Variants in CEACAM18 observed in about 807,000 individuals in gnomAD.
The protein encoded by CEACAM18 is cell adhesion molecule CEACAM18.
In CEACAM18, 33 loss-of-function variants were observed where a neutral mutation model predicts 34.3. The observed-to-expected ratio is 0.96, with a 90% CI of 0.73 to 1.29. CEACAM18 has a LOEUF of 1.29. CEACAM18 is among the 50% of genes most tolerant of loss of function. CEACAM18 has a pLI of 0.00. For synonymous variants in CEACAM18, 169 were observed against 180.9 expected (o/e 0.93, Z 0.53); for missense variants, 474 against 485.0 (o/e 0.98, Z 0.21).
At chr19:51,480,197 A>G in intron 1 of CEACAM18, 136 bp from the exon 2 acceptor site, 1 of 711,794 alleles carries the variant, frequency 1.4e-6, no homozygotes, top group Non-Finnish European at 2.3e-6. Context: ...GGACTCTACC[A>G]GGAGCCAGAA....
intron 5 of CEACAM18, among the ~76,000 whole-genome samples, chr19:51,486,806 C>T (rs1293047573): frequency 1.3e-5 from 2 of 151,130 alleles, no homozygotes; most frequent in Non-Finnish European, 2.9e-5. Context: ...CAAGCTCCGC[C>T]TCCCAGGTTC....
At chr19:51,481,513 C>T (rs1347238943) in exon 3 of CEACAM18, 2 of 1,613,898 alleles carry the variant, frequency 1.2e-6, no homozygotes, top group South Asian at 2.2e-5. Context: ...AATGATGTGC[C>T]TACCTCTAGT....
rs187301394 is a variant in CEACAM18, at chr19:51,484,766, G to A, written c.954-221G>A. Reference sequence around the variant, plus strand: ...TGCTTGCAGTGTGAGACATCTCTTTGCTTAATTGTCCACTGTCCACTTCCC... The same window carrying A: ...TGCTTGCAGTGTGAGACATCTCTTTACTTAATTGTCCACTGTCCACTTCCC... On this transcript the variant is annotated intron_variant, in intron 4 of 5. Coordinates refer to ENST00000396477, the Ensembl canonical transcript of CEACAM18. Among the ~76,000 whole-genome samples the A allele has an allele frequency of 4.4e-3, 477 of 108,624 alleles. 2 individuals are homozygous for A. Among genetic ancestry groups the A allele is most frequent in the African/African-American group, 0.014 (453 of 33,278 alleles). The allele number at this position is 108,624 out of a possible 152,430, so 71.3% of individuals were successfully genotyped here.
chr19:51,478,741 G>A, intron 1 of CEACAM18, 47 bp downstream of exon 1: 2 of 1,301,788 alleles, frequency 1.5e-6, no homozygotes, highest in Non-Finnish European at 2.0e-6. Flanking sequence ...CTGAGGGAAG[G>A]GCAGCTAGGA....
At chr19:51,480,173 AG>A (rs1384631551) in intron 1 of CEACAM18, among the ~76,000 whole-genome samples, 159 bp from the exon 2 acceptor site, 1 of 152,104 alleles carries the variant, frequency 6.6e-6, no homozygotes, top group African/African-American at 2.4e-5. Flanking sequence ...GAGGCACAGG[AG>A]GGGACAAGCT....
intron 3 of CEACAM18, 88 bp downstream of exon 3, chr19:51,481,753 A>C: frequency 3.3e-5 from 45 of 1,378,600 alleles, no homozygotes; most frequent in South Asian, 1.5e-4. Flanking sequence ...GCTGAGCTGG[A>C]GAGAGGGGGC....
chr19:51,479,197 T>G (rs1272894146), intron 1 of CEACAM18, among the ~76,000 whole-genome samples: 1 of 152,062 alleles, frequency 6.6e-6, no homozygotes, highest in Non-Finnish European at 1.5e-5. Flanking sequence ...CCACGTGTAC[T>G]GTCCTTGAAC....
In CEACAM18 at chr19:51,478,693, GGGTAA is replaced by G; in HGVS notation, c.52+1_52+5del. 1 of 1,452,120 alleles carries G rather than the reference GGGTAA, an allele frequency of 6.9e-7. No homozygotes were observed. The highest frequency in any genetic ancestry group is 9.1e-7 in the Non-Finnish European group (1 of 1,095,048). The allele number at this position is 1,452,120 out of a possible 1,614,324, so 90.0% of individuals were successfully genotyped here. On this transcript the variant is annotated splice_donor_variant and splice_donor_region_variant and coding_sequence_variant and intron_variant, in exon 1 of 6. Transcript: ENST00000396477. LOFTEE classifies it high-confidence loss of function. Reference sequence around the variant, plus strand: ...GCCTGTGGAGGAGGGTCTTCCTCATGGGTAAGAGATGCTGGATGCTGGATGAGCTT... The same window carrying G: ...GCCTGTGGAGGAGGGTCTTCCTCATGGAGATGCTGGATGCTGGATGAGCTT...
At chr19:51,486,710 C>CTTTTTTTTTTTTTTTTTTTTTTT (rs1327201659) in intron 5 of CEACAM18, among the ~76,000 whole-genome samples, 2 of 144,436 alleles carry the variant, frequency 1.4e-5, no homozygotes, top group African/African-American at 2.6e-5. Context: ...TTCTTTCTTT[C>CTTTTTTTTTTTTTTTTTTTTTTT]TTTCTTTTCT....
At chr19:51,490,938 C>T in exon 6 of CEACAM18, 4 of 293,454 alleles carry the variant, frequency 1.4e-5, no homozygotes, top group Non-Finnish European at 2.5e-5. Flanking sequence ...CAAGCGCCTC[C>T]TCCCTCAGCT....
chr19:51,481,779 G>A, intron 3 of CEACAM18, 114 bp downstream of exon 3: 71 of 1,094,692 alleles, frequency 6.5e-5, no homozygotes, highest in South Asian at 2.7e-4. Flanking sequence ...GGGCCAGCCT[G>A]CAGCCAGCTC....
chr19:51,485,405 G>T (rs575709461), intron 5 of CEACAM18, among the ~76,000 whole-genome samples: 2 of 152,288 alleles, frequency 1.3e-5, no homozygotes, highest in South Asian at 4.1e-4. Flanking sequence ...TACCTAGAGG[G>T]ACAGGTAAAA....
At chr19:51,482,943 T>TG in intron 3 of CEACAM18, 74 bp from the exon 4 acceptor site, 1 of 1,558,848 alleles carries the variant, frequency 6.4e-7, no homozygotes, top group Non-Finnish European at 8.7e-7. Flanking sequence ...ACCTCCTGGC[T>TG]GGGGGAGGAC....
intron 1 of CEACAM18, among the ~76,000 whole-genome samples, chr19:51,479,640 G>A (rs1210149418): frequency 6.6e-6 from 1 of 152,182 alleles, no homozygotes; most frequent in Non-Finnish European, 1.5e-5. Flanking sequence ...ACCCAGGCTG[G>A]GGTGGAGGAG....
intron 5 of CEACAM18, among the ~76,000 whole-genome samples, chr19:51,488,822 A>G (rs1220464168): frequency 6.6e-6 from 1 of 152,196 alleles, no homozygotes; most frequent in Non-Finnish European, 1.5e-5. Context: ...TGTTTTACGG[A>G]ATGGATTCCA....
exon 4 of CEACAM18, chr19:51,483,170 T>C: frequency 6.2e-7 from 1 of 1,613,952 alleles, no homozygotes; most frequent in Non-Finnish European, 8.5e-7. Flanking sequence ...CTCCTGAACT[T>C]CTCAGATGCA....
chr19:51,490,729 G>T (rs1418821762), exon 6 of CEACAM18: 21 of 831,838 alleles, frequency 2.5e-5, no homozygotes, highest in Non-Finnish European at 2.9e-5. Flanking sequence ...CTCTTTGGAG[G>T]GTACTGGCAA....
chr19:51,479,190 C>T (rs749488692), intron 1 of CEACAM18, among the ~76,000 whole-genome samples: 6 of 152,078 alleles, frequency 3.9e-5, no homozygotes, highest in African/African-American at 7.2e-5. Context: ...TGCTTTACCA[C>T]GTGTACTGTC....
intron 5 of CEACAM18, 84 bp from the exon 6 acceptor site, chr19:51,490,503 G>A (rs1278578789): frequency 1.7e-6 from 2 of 1,166,152 alleles, no homozygotes; most frequent in Non-Finnish European, 2.2e-6. Context: ...GGGAAGTCGG[G>A]CCCCTTCACC....
Sources: allele counts gnomAD v4.1 joint callset (sites outside exome capture counted in the v4.1 genomes callset), GRCh38; gene constraint gnomAD v4.1.1; transcripts MANE v1.5; gene names NCBI Gene and HGNC (gene_info 2026-07-23, HGNC 2026-07-21).